PLXNA4: variants seen among roughly 807,000 people sequenced by gnomAD.
PLXNA4 encodes the protein plexin-A4.
A neutral mutation model predicts 191.8 loss-of-function variants in PLXNA4; 44 were observed. That is an observed-to-expected ratio of 0.23 (90% CI 0.18 to 0.29). The LOEUF (loss-of-function observed/expected upper bound fraction) is 0.29. Ranked by LOEUF, PLXNA4 falls within the 10% of genes least tolerant of loss-of-function variation. PLXNA4 has a pLI of 1.00. For missense variants in PLXNA4, 1,800 were observed against 2,488.8 expected (o/e 0.72, Z 5.89); for synonymous variants, 1,082 against 1,009.5 (o/e 1.07, Z -1.36).
At chr7:132,407,193 CCTT>C (rs1373694849) in intron 3 of PLXNA4, among the ~76,000 whole-genome samples, 1 of 152,196 alleles carries the variant, frequency 6.6e-6, no homozygotes, top group Non-Finnish European at 1.5e-5. Context: ...TCTCAGCTGG[CCTT>C]CTCCTTAAGC....
chr7:132,330,170 G>A (rs1802535279), intron 3 of PLXNA4, among the ~76,000 whole-genome samples: 1 of 152,178 alleles, frequency 6.6e-6, no homozygotes, highest in Non-Finnish European at 1.5e-5. Flanking sequence ...CCAGTGCAGA[G>A]CCACCGAGGT....
chr7:132,628,423 G>GA (rs56946608), intron 2 of PLXNA4, among the ~76,000 whole-genome samples: 11,310 of 150,162 alleles, frequency 0.075, 1,027 homozygotes, highest in East Asian at 0.27. Context: ...ATGGCATTTT[G>GA]AAAATTCATA....
chr7:132,633,339 G>A (rs1477866798), intron 2 of PLXNA4, among the ~76,000 whole-genome samples: 1 of 149,782 alleles, frequency 6.7e-6, no homozygotes, highest in Non-Finnish European at 1.5e-5. Flanking sequence ...CTGGAGTGCA[G>A]TGGTTCGATC....
At chr7:132,266,480 G>T (rs1799863185) in intron 4 of PLXNA4, 1 of 152,168 alleles carries the variant, frequency 6.6e-6, no homozygotes, top group African/African-American at 2.4e-5. Context: ...AACTCTTAAT[G>T]AATTGAAACT....
chr7:132,369,839 C>T (rs953277738), intron 3 of PLXNA4, among the ~76,000 whole-genome samples: 4 of 151,708 alleles, frequency 2.6e-5, no homozygotes, highest in South Asian at 2.1e-4. Flanking sequence ...GAGGCTGAGG[C>T]GGGCGGATCA....
chr7:132,364,689 G>A (rs888486348), intron 3 of PLXNA4, among the ~76,000 whole-genome samples: 3 of 152,282 alleles, frequency 2.0e-5, no homozygotes, highest in Middle Eastern at 6.8e-3. Context: ...CCCATTCCGT[G>A]GTCTTGCTCA....
Position 132,507,960 on chromosome 7 carries a change from A to C in PLXNA4, c.734T>G (p.Val245Gly). 6.2e-7 allele frequency: 1 copy of C among 1,614,174 alleles called. No homozygotes were observed. The highest frequency in any genetic ancestry group is 8.5e-7 in the Non-Finnish European group (1 of 1,180,040). ...AAAGTTGCCACTGCTAAAACCATAG[A>C]CATAGTAGATATCAAAGTCAGGGAT... is the stretch of plus-strand genomic sequence containing the variant. ...TIIPDFDIYY[V>G]YGFSSGNFVY... Residue 245 changes from valine to glycine, a missense_variant, in exon 2 of 32, where the codon GTC becomes GGC. Physicochemically the swap from Val to Gly is moderately radical, Grantham distance 109. Around this residue, in one of 6 missense-constraint regions of PLXNA4, gnomAD observed 1,397 missense variants for 1,880.4 expected, o/e 0.74. Transcript: ENST00000321063.
intron 4 of PLXNA4, among the ~76,000 whole-genome samples, chr7:132,282,659 A>G (rs1800527824): frequency 1.7e-5 from 2 of 115,038 alleles, no homozygotes; most frequent in Admixed American, 1.0e-4. Context: ...AAAAAAAAAA[A>G]AAGAAGCAGT....
intron 29 of PLXNA4, among the ~76,000 whole-genome samples, chr7:132,142,935 C>T (rs1457523733): frequency 6.6e-6 from 1 of 152,234 alleles, no homozygotes; most frequent in Non-Finnish European, 1.5e-5. Flanking sequence ...GTTTTGCTGA[C>T]AGGCACAGCA....
At chr7:132,450,893 C>T (rs1240166575) in intron 3 of PLXNA4, among the ~76,000 whole-genome samples, 1 of 152,288 alleles carries the variant, frequency 6.6e-6, no homozygotes, top group South Asian at 2.1e-4. Context: ...GTCCCTAGTC[C>T]TCTTGTTTTA....
intron 3 of PLXNA4, among the ~76,000 whole-genome samples, chr7:132,396,400 A>G (rs935553161): frequency 6.6e-6 from 1 of 152,216 alleles, no homozygotes; most frequent in Non-Finnish European, 1.5e-5. Context: ...CACTTGATAG[A>G]TAAGGAAGCT....
chr7:132,455,623 T>A (rs1391063309), intron 3 of PLXNA4, among the ~76,000 whole-genome samples: 1 of 152,134 alleles, frequency 6.6e-6, no homozygotes, highest in African/African-American at 2.4e-5. Context: ...CCTTGGAGAA[T>A]CCTCCGTTTG....
rs1046833637 is a variant in PLXNA4, at chr7:132,622,003, C to T, written c.-87+23925G>A. 3.3e-5 allele frequency among the ~76,000 whole-genome samples: 5 copies of T among 152,070 alleles called. No homozygotes were observed. The East Asian group carries it at 5.8e-4, about 18-fold the overall frequency. On this transcript the variant is annotated intron_variant, in intron 2 of 4. Coordinates refer to the PLXNA4 transcript ENST00000378539. ...AGTAGCAGAGACAGCTAGCTATCCT[C>T]CTAATCTCTTTTCCTTGGGCACACA...
At position 132,592,646 on chromosome 7, in the gene PLXNA4, C is replaced by T. The variant is rs73724087; in HGVS notation, c.-87+53282G>A. Among the ~76,000 whole-genome samples, 879 of 151,392 alleles carry T rather than the reference C, an allele frequency of 5.8e-3. 9 individuals are homozygous for T. The highest frequency in any genetic ancestry group is 0.02 in the African/African-American group (841 of 41,254). ...AGCTGCCGATAAAGGAATAAACTTGCTGAAGAAATAAGAAATAAGCCTCCA... is the reference window on the plus strand; with the variant it reads ...AGCTGCCGATAAAGGAATAAACTTGTTGAAGAAATAAGAAATAAGCCTCCA... On this transcript the variant is annotated intron_variant, in intron 2 of 4. Transcript: ENST00000378539.
intron 3 of PLXNA4, chr7:132,383,564 C>G (rs1465890994): frequency 3.0e-6 from 3 of 983,708 alleles, no homozygotes; most frequent in Non-Finnish European, 3.6e-6. Context: ...TGCTTTTTCA[C>G]TGAATGTTAT....
At chr7:132,157,954 C>T (rs1033105753) in intron 25 of PLXNA4, among the ~76,000 whole-genome samples, 1 of 152,218 alleles carries the variant, frequency 6.6e-6, no homozygotes, top group African/African-American at 2.4e-5. Flanking sequence ...CACAGACACA[C>T]AGGTCTGGTC....
intron 10 of PLXNA4, 22 bp from the exon 11 acceptor site, chr7:132,203,441 G>A (rs1165993220): frequency 6.2e-7 from 1 of 1,607,622 alleles, no homozygotes; most frequent in Non-Finnish European, 8.5e-7. Context: ...TCGGGGAGGA[G>A]GAAAGAAGAA....
At chr7:132,211,836 G>A (rs1192134712) in intron 9 of PLXNA4, among the ~76,000 whole-genome samples, 2 of 152,198 alleles carry the variant, frequency 1.3e-5, no homozygotes, top group African/African-American at 4.8e-5. Context: ...CAGGAGCCCA[G>A]ATGGCCTTTG....
chr7:132,398,521 C>T (rs759032265), intron 3 of PLXNA4, among the ~76,000 whole-genome samples: 4 of 152,210 alleles, frequency 2.6e-5, no homozygotes, highest in Non-Finnish European at 5.9e-5. Context: ...CCCAGCTCTG[C>T]GTTTCTCCTT....
Sources: allele counts gnomAD v4.1 joint callset (sites outside exome capture counted in the v4.1 genomes callset), GRCh38; gene constraint gnomAD v4.1.1; regional missense constraint gnomAD v4.1.1; transcripts MANE v1.5; gene names NCBI Gene and HGNC (gene_info 2026-07-23, HGNC 2026-07-21).